ELFN1: variants seen among roughly 807,000 people sequenced by gnomAD.
ELFN1 encodes the protein extracellular leucine rich repeat and fibronectin type III domain containing 1.
A neutral mutation model predicts 7.6 loss-of-function variants in ELFN1; 6 were observed. The observed-to-expected ratio is 0.79, with a 90% CI of 0.43 to 1.56. The LOEUF (loss-of-function observed/expected upper bound fraction) is 1.56. Among genes scored for constraint, ELFN1 ranks in the 40% most tolerant of loss-of-function variants. The pLI is 0.01. For missense variants in ELFN1, 1,169 were observed against 1,232.2 expected, an observed-to-expected ratio of 0.95 and a Z score of 0.77; for synonymous variants, 657 against 588.1, an observed-to-expected ratio of 1.12 and a Z score of -1.70.
At chr7:1,708,283 G>A (rs951728587) in intron 2 of ELFN1, among the ~76,000 whole-genome samples, 6 of 152,214 alleles carry the variant, frequency 3.9e-5, no homozygotes, top group African/African-American at 7.2e-5. Flanking sequence ...AAGCAAGTAC[G>A]CTGGTGAAAT....
chr7:1,728,169 C>CAG (rs10668227), intron 3 of ELFN1, among the ~76,000 whole-genome samples: 149,783 of 152,246 alleles, frequency 0.98, 73,684 homozygotes, highest in East Asian at 1. Context: ...GGGCGCCAAA[C>CAG]GGGTGAGAAC....
intron 2 of ELFN1, among the ~76,000 whole-genome samples, chr7:1,706,238 GATGGTGAA>G (rs1422975658): frequency 1.3e-5 from 2 of 152,178 alleles, no homozygotes; most frequent in Non-Finnish European, 2.9e-5. Context: ...GCCTGGCCAA[GATGGTGAA>G]ACCTCATCTC....
intron 2 of ELFN1, among the ~76,000 whole-genome samples, chr7:1,690,471 G>C (rs1039042406): frequency 1.3e-5 from 2 of 151,888 alleles, no homozygotes; most frequent in Admixed American, 6.6e-5. Context: ...TGGATAGGTA[G>C]ATGGTTGAGT....
chr7:1,705,401 C>T lies in ELFN1; in HGVS notation c.-455-3690C>T, dbSNP rs181134605. Among the ~76,000 whole-genome samples, 2 of 152,370 alleles carry T rather than the reference C, an allele frequency of 1.3e-5. No homozygotes were observed. Among genetic ancestry groups the T allele is most frequent in the Non-Finnish European group, 2.9e-5 (2 of 68,036 alleles). On this transcript the variant is annotated intron_variant, in intron 2 of 3. Coordinates refer to ENST00000424383, the MANE Select transcript of ELFN1 (RefSeq NM_001128636.4). This position sits in a 1 kb window ranked among gnomAD's most constrained non-coding sequence, Gnocchi z 4.3. The stretch of plus-strand genomic sequence containing the variant: ...CATTTTTCCAACCCTCTCACCCGGA[C>T]ATTTGCAAGTTGATGAGTTGTTCTT...
Position 1,739,633 on chromosome 7 carries a change from G to T in ELFN1, c.-293-4671G>T. On this transcript the variant is annotated intron_variant, in intron 3 of 3. Coordinates refer to ENST00000424383, the MANE Select transcript of ELFN1 (RefSeq NM_001128636.4). This position sits in a 1 kb window ranked among gnomAD's most constrained non-coding sequence, Gnocchi z 4.6. ...CCTGGCCTGGAACATGTGGAGTCGT[G>T]GGGAAGGTGAAGGAGGCTGGACAGA... is the stretch of plus-strand genomic sequence containing the variant. The T allele has an allele frequency of 6.5e-6, 1 of 154,474 alleles. No individual in the cohort carries two copies. Among genetic ancestry groups the T allele is most frequent in the Non-Finnish European group, 1.4e-5 (1 of 69,504 alleles). The allele number at this position is 154,474 out of a possible 1,614,324, so 9.6% of individuals were successfully genotyped here.
intron 3 of ELFN1, among the ~76,000 whole-genome samples, chr7:1,723,273 G>A (rs1480219801): frequency 6.6e-6 from 1 of 152,238 alleles, no homozygotes; most frequent in Non-Finnish European, 1.5e-5. Flanking sequence ...GTTCAGTGGT[G>A]TTCAGTGGAT....
intron 3 of ELFN1, among the ~76,000 whole-genome samples, chr7:1,725,989 TAC>T (rs1194782990): frequency 6.6e-6 from 1 of 151,636 alleles, no homozygotes; most frequent in Non-Finnish European, 1.5e-5. Context: ...ACACACATAG[TAC>T]AGTCTTACCC....
chr7:1,713,963 C>T (rs10230748), intron 3 of ELFN1, among the ~76,000 whole-genome samples: 6,015 of 152,226 alleles, frequency 0.04, 419 homozygotes, highest in African/African-American at 0.14. Context: ...GTTGAGCCGC[C>T]GTCCAGAGAT....
chr7:1,686,311 G>GTTTTT (rs1202953401), intron 1 of ELFN1, among the ~76,000 whole-genome samples: 1 of 113,958 alleles, frequency 8.8e-6, no homozygotes, highest in Non-Finnish European at 1.8e-5. Context: ...GTTTGTCCTT[G>GTTTTT]TTTTTTTTTT....
chr7:1,681,742 G>C (rs989020232), intron 1 of ELFN1, among the ~76,000 whole-genome samples: 1 of 152,244 alleles, frequency 6.6e-6, no homozygotes, highest in African/African-American at 2.4e-5. Context: ...TCCAGCCCCT[G>C]CGTGTCTCTC....
At chr7:1,704,701 C>T (rs765626646) in intron 2 of ELFN1, among the ~76,000 whole-genome samples, 56 of 152,230 alleles carry the variant, frequency 3.7e-4, no homozygotes, top group Admixed American at 9.8e-4. Context: ...CACGTCACCC[C>T]TGCGAGGTCA....
chr7:1,696,460 C>G (rs1266794355), intron 2 of ELFN1, among the ~76,000 whole-genome samples: 2 of 151,026 alleles, frequency 1.3e-5, no homozygotes, highest in African/African-American at 4.9e-5. Context: ...GACACAATCA[C>G]AGATCACTGC....
At position 1,745,176 on chromosome 7, in the gene ELFN1, T is replaced by C; in HGVS notation, c.580T>C (p.Cys194Arg). ...VCELYSNPFY[C>R]SCELLGFLRW... Reference sequence around the variant, plus strand: ...CGAGCTCTACAGCAACCCCTTCTACTGCTCCTGCGAGCTGCTGGGCTTCCT... The same window carrying C: ...CGAGCTCTACAGCAACCCCTTCTACCGCTCCTGCGAGCTGCTGGGCTTCCT... The change falls in exon 4 of 4, where the codon TGC becomes CGC. Residue 194 changes from cysteine to arginine, a missense_variant. This residue lies in a region of ELFN1 where 255 missense variants were observed against 359.6 expected (regional missense o/e 0.71). Transcript: ENST00000424383. 1 of 1,548,324 alleles carries C rather than the reference T, an allele frequency of 6.5e-7. No individual in the cohort carries two copies. The highest frequency in any genetic ancestry group is 8.7e-7 in the Non-Finnish European group (1 of 1,146,964).
At chr7:1,731,344 G>T (rs973353445) in intron 3 of ELFN1, among the ~76,000 whole-genome samples, 1 of 152,158 alleles carries the variant, frequency 6.6e-6, no homozygotes, top group African/African-American at 2.4e-5. Flanking sequence ...CTAAAGAAAC[G>T]CAGAAAAGGG....
Position 1,745,241 on chromosome 7 carries a change from C to T in ELFN1, c.645C>T (p.Tyr215=), listed in dbSNP as rs147849092. The change falls in exon 4 of 4, where the codon TAC becomes TAT. Residue 215 remains tyrosine, a synonymous_variant. Coordinates refer to ENST00000424383, the MANE Select transcript of ELFN1 (RefSeq NM_001128636.4). ...CCTTCACCAACGCCACACAGACGTA[C>T]GACCGCATGCAGTGCGAGTCGCCGC... ...LAAFTNATQT[Y]DRMQCESPPV... is the part of the protein sequence containing the mutation. 48 of 1,540,692 alleles carry T rather than the reference C, an allele frequency of 3.1e-5. No homozygotes were observed. Among genetic ancestry groups the T allele is most frequent in the Middle Eastern group, 3.3e-4 (2 of 5,992 alleles).
rs1448235731 is a variant in ELFN1, at chr7:1,745,485, G to C, written c.889G>C (p.Gly297Arg). The C allele has an allele frequency of 6.5e-7, 1 of 1,542,904 alleles. No homozygotes were observed. Among genetic ancestry groups the C allele is most frequent in the Non-Finnish European group, 8.7e-7 (1 of 1,146,744 alleles). ...CTGTGCCGATGATGAGTGCTTCTCCGGGGACGGCACCACGCCACTGGTGGC... is the reference window on the plus strand; with the variant it reads ...CTGTGCCGATGATGAGTGCTTCTCCCGGGACGGCACCACGCCACTGGTGGC... ...MPCADDECFS[G>R]DGTTPLVALP... Residue 297 changes from glycine to arginine, a missense_variant, in exon 4 of 4, where the codon GGG (glycine) becomes CGG (arginine). Gly to Arg is a moderately radical substitution (Grantham distance 125, BLOSUM62 -2). Around this residue, in one of 2 missense-constraint regions of ELFN1, gnomAD observed 914 missense variants for 872.6 expected, o/e 1.05. Transcript: ENST00000424383.
chr7:1,732,442 G>A (rs1370486932), intron 3 of ELFN1, among the ~76,000 whole-genome samples: 1 of 152,168 alleles, frequency 6.6e-6, no homozygotes, highest in Admixed American at 6.5e-5. Flanking sequence ...AGGAGAGGCA[G>A]GAGATGCTCC....
chr7:1,677,989 C>A (rs933137902), intron 1 of ELFN1, among the ~76,000 whole-genome samples: 1 of 152,094 alleles, frequency 6.6e-6, no homozygotes, highest in Non-Finnish European at 1.5e-5. Flanking sequence ...ATTACATTGT[C>A]CCCACAGAGC....
chr7:1,693,743 C>A (rs750860109), intron 2 of ELFN1: 2 of 471,034 alleles, frequency 4.2e-6, no homozygotes, highest in South Asian at 1.5e-5. Context: ...CCATGGCAAC[C>A]CCAGAGCAGG....
Sources: allele counts gnomAD v4.1 joint callset (sites outside exome capture counted in the v4.1 genomes callset), GRCh38; gene constraint gnomAD v4.1.1; regional missense constraint gnomAD v4.1.1; non-coding constraint Gnocchi (gnomAD v3.1); transcripts MANE v1.5; gene names NCBI Gene and HGNC (gene_info 2026-07-23, HGNC 2026-07-21).